Variants in SGCZ observed in about 807,000 individuals in gnomAD.
SGCZ encodes zeta-sarcoglycan.
SGCZ carries 40 observed loss-of-function variants against 41.3 expected under a neutral mutation model. The ratio of observed to expected loss-of-function variants is 0.97; its 90% CI spans 0.75 to 1.26. The LOEUF (loss-of-function observed/expected upper bound fraction) is 1.26, where lower values mean the gene tolerates loss of function less well. SGCZ is among the 50% of genes most tolerant of loss of function. The pLI, the probability that SGCZ is intolerant of heterozygous loss-of-function variation, is 0.00. For synonymous variants in SGCZ, 206 were observed against 137.5 expected (o/e 1.50, Z -3.49); for missense variants, 552 against 369.8 (o/e 1.49, Z -4.04).
intron 2 of SGCZ, among the ~76,000 whole-genome samples, chr8:14,437,598 T>C (rs1006708516): frequency 1.8e-4 from 28 of 152,032 alleles, no homozygotes; most frequent in African/African-American, 6.5e-4. Context: ...AAATTTTCTG[T>C]TTTAATTTTT....
At chr8:15,063,583 T>C (rs1349150157) in intron 1 of SGCZ, among the ~76,000 whole-genome samples, 2 of 152,194 alleles carry the variant, frequency 1.3e-5, no homozygotes, top group African/African-American at 4.8e-5. Flanking sequence ...CAGATCTCTT[T>C]AATGCACTTC....
intron 2 of SGCZ, among the ~76,000 whole-genome samples, chr8:14,326,525 T>C (rs770133873): frequency 6.6e-6 from 1 of 152,108 alleles, no homozygotes; most frequent in South Asian, 2.1e-4. Flanking sequence ...AGGTCTGGAT[T>C]GCCCCATAGA....
At chr8:14,667,708 T>C (rs928799854) in intron 1 of SGCZ, among the ~76,000 whole-genome samples, 6 of 152,190 alleles carry the variant, frequency 3.9e-5, no homozygotes, top group African/African-American at 1.2e-4. Flanking sequence ...TGAACTCTTG[T>C]TGATTTTCAT....
chr8:14,102,506 G>C lies in SGCZ; in HGVS notation c.621-7C>G. 1 of 1,375,360 alleles carries C rather than the reference G, an allele frequency of 7.3e-7. No homozygotes were observed. Among genetic ancestry groups the C allele is most frequent in the Non-Finnish European group, 9.5e-7 (1 of 1,051,954 alleles). The allele number at this position is 1,375,360 out of a possible 1,614,324, so 85.2% of individuals were successfully genotyped here. A position where few individuals can be genotyped will look rare whatever the true frequency, so the allele number is the denominator to read the frequency against. ...TCTGGTGGGTGATTCAAGCCTAAGGGAAAAACAAAAAATCATTAATAGGAA... is the reference window on the plus strand; with the variant it reads ...TCTGGTGGGTGATTCAAGCCTAAGGCAAAAACAAAAAATCATTAATAGGAA... On this transcript the variant is annotated splice_polypyrimidine_tract_variant and splice_region_variant and intron_variant, in intron 6 of 7. Transcript: ENST00000382080.
chr8:14,770,170 G>A (rs1048915940), intron 1 of SGCZ, among the ~76,000 whole-genome samples: 2 of 149,944 alleles, frequency 1.3e-5, no homozygotes, highest in African/African-American at 2.4e-5. Flanking sequence ...AGATATTCAC[G>A]TAATTGTTTT....
intron 2 of SGCZ, among the ~76,000 whole-genome samples, chr8:14,441,682 C>T (rs527402022): frequency 1.3e-5 from 2 of 152,294 alleles, no homozygotes; most frequent in Non-Finnish European, 2.9e-5. Flanking sequence ...TGGCTTTGTA[C>T]GCATCTCACC....
At chr8:14,943,446 C>G (rs1432909651) in intron 1 of SGCZ, among the ~76,000 whole-genome samples, 1 of 152,164 alleles carries the variant, frequency 6.6e-6, no homozygotes, top group East Asian at 1.9e-4. Context: ...TGGATCTATA[C>G]TGATGCCTGT....
chr8:14,825,909 T>A (rs1395110325), intron 1 of SGCZ, among the ~76,000 whole-genome samples: 2 of 152,186 alleles, frequency 1.3e-5, no homozygotes, highest in Non-Finnish European at 2.9e-5. Flanking sequence ...TGAATGACAC[T>A]CTCTTGTATA....
At position 14,694,134 on chromosome 8, in the gene SGCZ, C is replaced by A. The variant is rs535028994; in HGVS notation, c.40-139208G>T. On this transcript the variant is annotated intron_variant, in intron 1 of 7. Coordinates refer to ENST00000382080, the MANE Select transcript of SGCZ (RefSeq NM_139167.4). ...GATTGAATATAATATGTATGAAAAACAGAGGGTAAATATAACCCTTAGCAC... is the reference window on the plus strand; with the variant it reads ...GATTGAATATAATATGTATGAAAAAAAGAGGGTAAATATAACCCTTAGCAC... 3.3e-5 allele frequency among the ~76,000 whole-genome samples: 5 copies of A among 152,166 alleles called. No individual in the cohort carries two copies. In the South Asian group the frequency reaches 1.0e-3, roughly 32 times the overall value.
chr8:15,098,657 C>T (rs1303114278), intron 1 of SGCZ, among the ~76,000 whole-genome samples: 1 of 151,870 alleles, frequency 6.6e-6, no homozygotes, highest in Non-Finnish European at 1.5e-5. Context: ...CCTGTTCTGC[C>T]TTTTTTTTCT....
chr8:15,077,520 T>C (rs979737123), intron 1 of SGCZ, among the ~76,000 whole-genome samples: 62 of 152,150 alleles, frequency 4.1e-4, no homozygotes, highest in African/African-American at 8.4e-4. Context: ...ATCAAAGAAA[T>C]TGAATTTTTC....
chr8:14,901,134 T>G (rs1043786053), intron 1 of SGCZ, among the ~76,000 whole-genome samples: 1 of 152,244 alleles, frequency 6.6e-6, no homozygotes, highest in African/African-American at 2.4e-5. Flanking sequence ...AATATCAATC[T>G]AATTATACAT....
At chr8:14,983,343 A>G (rs1801732127) in intron 1 of SGCZ, among the ~76,000 whole-genome samples, 1 of 151,614 alleles carries the variant, frequency 6.6e-6, no homozygotes, top group African/African-American at 2.4e-5. Context: ...GGCAATTGGC[A>G]CACACCACCA....
intron 1 of SGCZ, among the ~76,000 whole-genome samples, chr8:15,195,059 TA>T (rs1448188804): frequency 6.6e-6 from 1 of 152,200 alleles, no homozygotes; most frequent in East Asian, 1.9e-4. Flanking sequence ...AAATAAACTA[TA>T]AATACTACAC....
chr8:14,086,497 T>G lies in SGCZ; in HGVS notation c.*3946A>C, dbSNP rs976138581. 6.6e-6 allele frequency among the ~76,000 whole-genome samples: 1 copy of G among 151,774 alleles called. No homozygotes were observed. The highest frequency in any genetic ancestry group is 1.5e-5 in the Non-Finnish European group (1 of 67,760). On this transcript the variant is annotated 3_prime_UTR_variant, in exon 8 of 8. Coordinates refer to ENST00000382080, the MANE Select transcript of SGCZ (RefSeq NM_139167.4). ...TGAATGGAATAAAACAGTTCAGCAA[T>G]TAACCTCTGTGATCACATTATCATT...
At chr8:14,675,973 C>T (rs577242820) in intron 1 of SGCZ, among the ~76,000 whole-genome samples, 1 of 152,244 alleles carries the variant, frequency 6.6e-6, no homozygotes, top group African/African-American at 2.4e-5. Flanking sequence ...AACAGAAACA[C>T]CTGCAGAGTG....
chr8:14,531,443 G>A (rs918491492), intron 2 of SGCZ, among the ~76,000 whole-genome samples: 6 of 151,734 alleles, frequency 4.0e-5, no homozygotes, highest in Non-Finnish European at 8.8e-5. Flanking sequence ...ATTCCCTCCC[G>A]CTTGCTGAGC....
intron 4 of SGCZ, among the ~76,000 whole-genome samples, chr8:14,224,297 A>C (rs977089023): frequency 1.3e-5 from 2 of 151,764 alleles, no homozygotes; most frequent in African/African-American, 4.8e-5. Context: ...CCAAGGGTAG[A>C]AAAGAACCAA....
intron 1 of SGCZ, among the ~76,000 whole-genome samples, chr8:14,664,612 G>T (rs190160813): frequency 1.3e-5 from 2 of 152,212 alleles, no homozygotes; most frequent in African/African-American, 4.8e-5. Context: ...TTAAAAGCAG[G>T]ATGTAACCAA....
Sources: allele counts gnomAD v4.1 joint callset (sites outside exome capture counted in the v4.1 genomes callset), GRCh38; gene constraint gnomAD v4.1.1; transcripts MANE v1.5; gene names NCBI Gene and HGNC (gene_info 2026-07-23, HGNC 2026-07-21).